JAK2: variants seen among roughly 807,000 people sequenced by gnomAD.
JAK2 encodes Janus kinase 2.
Under a neutral mutation model 139.3 loss-of-function variants are expected in JAK2, and 86 were observed. The observed-to-expected ratio is 0.62, with a 90% CI of 0.52 to 0.74. JAK2 has a LOEUF of 0.74. JAK2 is among the 30% of genes least tolerant of loss of function. The pLI, the probability that JAK2 is intolerant of heterozygous loss-of-function variation, is 0.00. For missense variants in JAK2, 1,421 were observed against 1,360.3 expected (o/e 1.04, Z -0.70); for synonymous variants, 490 against 437.7 (o/e 1.12, Z -1.49).
chr9:5,123,402 G>A (rs959233346), intron 23 of JAK2, among the ~76,000 whole-genome samples: 3 of 151,874 alleles, frequency 2.0e-5, no homozygotes, highest in Admixed American at 2.0e-4. Flanking sequence ...AAGTGAAAAC[G>A]TGGTATTTGT....
At chr9:5,073,568 C>G (rs1395494346) in intron 13 of JAK2, 130 bp from the exon 14 acceptor site, 1 of 713,338 alleles carries the variant, frequency 1.4e-6, no homozygotes, top group East Asian at 2.5e-5. Flanking sequence ...GACCAAAGCA[C>G]ATTGTATCCT....
chr9:5,065,505 A>G (rs1016324311), intron 9 of JAK2, among the ~76,000 whole-genome samples: 9 of 152,318 alleles, frequency 5.9e-5, no homozygotes, highest in South Asian at 2.1e-4. Context: ...AAAATATTCT[A>G]TATCTGTGCT....
At chr9:5,102,221 G>A (rs998279727) in intron 22 of JAK2, among the ~76,000 whole-genome samples, 6 of 152,108 alleles carry the variant, frequency 3.9e-5, no homozygotes, top group Non-Finnish European at 7.4e-5. Context: ...TGAAAACCAT[G>A]GCATGAGAAC....
chr9:5,111,784 CT>C (rs1358900036), intron 22 of JAK2: 1 of 422,508 alleles, frequency 2.4e-6, no homozygotes. Context: ...CTGCATCCAC[CT>C]TCTCCTTGGC....
rs376680629 is a variant in JAK2 at position 5,121,974 on chromosome 9, CAT to C, written c.3060-1028_3060-1027del. 9.8e-4 allele frequency among the ~76,000 whole-genome samples: 149 copies of C among 152,176 alleles called. 1 individual carries two copies. The highest frequency in any genetic ancestry group is 3.5e-3 in the African/African-American group (147 of 41,546). ...AAAACTAACATACATTTGATAATAA[CAT>C]AACTAGATATGTAAAATTTGTAAAG... On this transcript the variant is annotated intron_variant, in intron 22 of 24. Transcript: ENST00000381652.
intron 3 of JAK2, among the ~76,000 whole-genome samples, chr9:5,028,633 T>C (rs544320797): frequency 6.6e-6 from 1 of 152,358 alleles, no homozygotes; most frequent in African/African-American, 2.4e-5. Context: ...GAAAATCTAT[T>C]GTTTATCAGT....
At chr9:5,037,109 C>T (rs571107230) in intron 4 of JAK2, among the ~76,000 whole-genome samples, 1 of 152,172 alleles carries the variant, frequency 6.6e-6, no homozygotes, top group African/African-American at 2.4e-5. Context: ...TGAAAAAATG[C>T]TCATCACCAC....
chr9:5,033,178 A>G (rs1351126488), intron 4 of JAK2, among the ~76,000 whole-genome samples: 1 of 152,196 alleles, frequency 6.6e-6, no homozygotes, highest in Non-Finnish European at 1.5e-5. Context: ...AAATGAAGTG[A>G]GAAGAGAAGT....
intron 3 of JAK2, among the ~76,000 whole-genome samples, chr9:5,022,802 G>T (rs1280652148): frequency 6.6e-6 from 1 of 152,162 alleles, no homozygotes; most frequent in Non-Finnish European, 1.5e-5. Context: ...TTACTATAGA[G>T]CCTACTATCA....
At chr9:5,007,574 G>A (rs1821390034) in intron 2 of JAK2, among the ~76,000 whole-genome samples, 1 of 151,818 alleles carries the variant, frequency 6.6e-6, no homozygotes, top group African/African-American at 2.4e-5. Flanking sequence ...AGTAATCATT[G>A]AATGCAAAAT....
chr9:5,104,508 TGAAACTATTCCAATCAATGGAAAAA>T (rs1821794456), intron 22 of JAK2, among the ~76,000 whole-genome samples: 1 of 152,198 alleles, frequency 6.6e-6, no homozygotes, highest in South Asian at 2.1e-4. Context: ...CCATTCCTTC[TGAAACTATTCCAATCAATGGAAAAA>T]GAGGGAATCC....
At chr9:5,043,670 A>G (rs1816781869) in intron 4 of JAK2, among the ~76,000 whole-genome samples, 1 of 152,238 alleles carries the variant, frequency 6.6e-6, no homozygotes, top group African/African-American at 2.4e-5. Flanking sequence ...GTTATTCACA[A>G]TAGAAAAATA....
intron 22 of JAK2, chr9:5,110,198 C>T (rs933534323): frequency 1.3e-5 from 2 of 152,244 alleles, no homozygotes; most frequent in African/African-American, 4.8e-5. Flanking sequence ...CAGCCTCAGC[C>T]CTGCTCCACT....
At chr9:5,101,277 T>A (rs1412100864) in intron 22 of JAK2, among the ~76,000 whole-genome samples, 1 of 152,236 alleles carries the variant, frequency 6.6e-6, no homozygotes, top group Non-Finnish European at 1.5e-5. Flanking sequence ...CCCTGCTCAC[T>A]GCTAGCACAG....
intron 2 of JAK2, among the ~76,000 whole-genome samples, chr9:5,009,547 G>T (rs1288514678): frequency 3.3e-5 from 5 of 151,968 alleles, no homozygotes; most frequent in African/African-American, 2.4e-5. Flanking sequence ...TACCGAGAAA[G>T]ATTTTAAACC....
chr9:5,031,377 A>T (rs1823134705), intron 4 of JAK2, among the ~76,000 whole-genome samples: 1 of 152,218 alleles, frequency 6.6e-6, no homozygotes, highest in Admixed American at 6.5e-5. Flanking sequence ...AAACTAAATA[A>T]TGAGAATGAT....
intron 2 of JAK2, among the ~76,000 whole-genome samples, chr9:5,019,028 T>C (rs1387267743): frequency 6.6e-6 from 1 of 152,216 alleles, no homozygotes; most frequent in African/African-American, 2.4e-5. Context: ...CTCTAATGTG[T>C]TGTGGAGAAC....
chr9:5,085,564 G>A, intron 19 of JAK2: 2 of 691,828 alleles, frequency 2.9e-6, no homozygotes, highest in Non-Finnish European at 5.4e-6. Context: ...TATAACAGCT[G>A]TATTTCCAGT....
At chr9:5,076,546 C>T (rs938614554) in intron 14 of JAK2, among the ~76,000 whole-genome samples, 7 of 151,906 alleles carry the variant, frequency 4.6e-5, no homozygotes, top group Admixed American at 2.6e-4. Context: ...TAAGATATAA[C>T]GCTGTTGCAC....
Sources: gnomAD v4.1 joint callset for allele counts (sites outside exome capture counted in the v4.1 genomes callset) on GRCh38, gnomAD v4.1.1 for gene constraint, MANE v1.5 for transcripts, NCBI Gene and HGNC (gene_info 2026-07-23, HGNC 2026-07-21) for gene names.